LRIG1: variants seen among roughly 807,000 people sequenced by gnomAD.
LRIG1 encodes leucine rich repeats and immunoglobulin like domains 1, also known as leucine-rich repeats and immunoglobulin-like domains protein 1.
A neutral mutation model predicts 99.2 loss-of-function variants in LRIG1; 48 were observed. That is an observed-to-expected ratio of 0.48 (90% CI 0.38 to 0.62). LRIG1 has a LOEUF of 0.62. Among genes scored for constraint, LRIG1 ranks in the 20% least tolerant of loss-of-function variants. LRIG1 has a pLI of 0.00. For missense variants in LRIG1, 1,646 were observed against 1,434.4 expected (o/e 1.15, Z -2.38); for synonymous variants, 772 against 596.1 (o/e 1.29, Z -4.30).
rs756702438 is a variant in LRIG1, at chr3:66,500,376, G to T, written c.32C>A (p.Ala11Asp). ...GAGAAGGCAAGGCGAGCGGCGCGGG[G>T]CCCCGAGCCCTCCCCGGACCGGCCG... MARPVRGGLG[A>D]PRRSPCLLLL... The change falls in exon 1 of 19, where the codon GCC (alanine) becomes GAC (aspartate). Residue 11 changes from alanine (A) to aspartate (D), a missense_variant. Coordinates refer to ENST00000273261, the MANE Select transcript of LRIG1 (RefSeq NM_015541.3). 6 of 1,470,396 alleles carry T rather than the reference G, an allele frequency of 4.1e-6. No individual in the cohort carries two copies. The highest frequency in any genetic ancestry group is 2.7e-5 in the East Asian group (1 of 36,610). The allele number at this position is 1,470,396 out of a possible 1,614,324, so 91.1% of individuals were successfully genotyped here. A position where few individuals can be genotyped will look rare whatever the true frequency, so the allele number is the denominator to read the frequency against.
At chr3:66,452,232 T>C (rs879341451) in intron 2 of LRIG1, among the ~76,000 whole-genome samples, 7 of 152,262 alleles carry the variant, frequency 4.6e-5, no homozygotes, top group Admixed American at 4.6e-4. Context: ...TACACACACT[T>C]TTGCGCATAG....
intron 1 of LRIG1, among the ~76,000 whole-genome samples, chr3:66,463,852 G>C (rs1700411613): frequency 1.3e-5 from 2 of 152,198 alleles, no homozygotes; most frequent in South Asian, 4.1e-4. Context: ...TGTGAGCTCA[G>C]AGACGTTCAT....
chr3:66,463,025 C>T (rs924044243), intron 1 of LRIG1, among the ~76,000 whole-genome samples: 3 of 152,114 alleles, frequency 2.0e-5, no homozygotes, highest in Non-Finnish European at 2.9e-5. Context: ...TTGGTTGTCA[C>T]AACTGGTGGC....
chr3:66,418,810 T>C (rs1702705277), intron 3 of LRIG1, among the ~76,000 whole-genome samples: 1 of 152,078 alleles, frequency 6.6e-6, no homozygotes, highest in South Asian at 2.1e-4. Context: ...TGGACTCCTT[T>C]GTTTTTTTCA....
Position 66,382,369 on chromosome 3 carries a change from T to G in LRIG1, c.2521A>C (p.Ser841Arg). The stretch of plus-strand genomic sequence containing the variant: ...AGGGTCCCCTGAGAAGAGAGGTAGC[T>G]TGGAACATCTGGTGGCACGACGGTT... The part of the protein sequence containing the change: ...DETVVPPDVP[S>R]YLSSQGTLSD... Residue 841 changes from serine (S) to arginine (R), a missense_variant, in exon 16 of 19, where the codon AGC (serine) becomes CGC (arginine). Physicochemically the swap from Ser to Arg is moderately radical, Grantham distance 110. Transcript: ENST00000273261. 6.2e-7 allele frequency: 1 copy of G among 1,614,188 alleles called. No individual in the cohort carries two copies. The highest frequency in any genetic ancestry group is 8.5e-7 in the Non-Finnish European group (1 of 1,180,032).
At chr3:66,408,057 C>T (rs1702337504) in intron 7 of LRIG1, among the ~76,000 whole-genome samples, 1 of 152,204 alleles carries the variant, frequency 6.6e-6, no homozygotes, top group African/African-American at 2.4e-5. Context: ...TCCACGTGGA[C>T]CTCAGAGCAT....
chr3:66,435,302 T>G (rs1703319053), intron 3 of LRIG1, among the ~76,000 whole-genome samples: 1 of 152,210 alleles, frequency 6.6e-6, no homozygotes, highest in African/African-American at 2.4e-5. Context: ...GTCAAGCCTG[T>G]AATCCCAGCA....
chr3:66,410,088 G>A, intron 7 of LRIG1, 41 bp downstream of exon 7: 3 of 1,576,432 alleles, frequency 1.9e-6, no homozygotes, highest in Middle Eastern at 1.7e-4. Flanking sequence ...TCCAAGCAGT[G>A]TCTAAAAACA....
chr3:66,472,237 G>A (rs1296609386), intron 1 of LRIG1, among the ~76,000 whole-genome samples: 1 of 147,426 alleles, frequency 6.8e-6, no homozygotes, highest in African/African-American at 2.5e-5. Flanking sequence ...CCGGGAGGCG[G>A]AGCGTGCAGT....
intron 12 of LRIG1, among the ~76,000 whole-genome samples, chr3:66,389,430 G>A (rs1701528823): frequency 6.6e-6 from 1 of 151,978 alleles, no homozygotes; most frequent in Admixed American, 6.6e-5. Context: ...TTACCATAAT[G>A]GATAAAAAAA....
At chr3:66,483,831 G>A (rs1296160645) in intron 1 of LRIG1, among the ~76,000 whole-genome samples, 1 of 152,198 alleles carries the variant, frequency 6.6e-6, no homozygotes, top group African/African-American at 2.4e-5. Flanking sequence ...GCAACACAGA[G>A]GAGAGCGCCT....
intron 5 of LRIG1, among the ~76,000 whole-genome samples, chr3:66,413,433 C>A (rs1449039383): frequency 6.6e-6 from 1 of 152,214 alleles, no homozygotes; most frequent in Non-Finnish European, 1.5e-5. Flanking sequence ...CACCACATGC[C>A]TCAACCCAGG....
intron 2 of LRIG1, among the ~76,000 whole-genome samples, chr3:66,454,778 T>C (rs1700172633): frequency 6.6e-6 from 1 of 152,222 alleles, no homozygotes; most frequent in East Asian, 1.9e-4. Context: ...TTGGACCTTC[T>C]GGTCCCTCAC....
At chr3:66,432,448 AG>A (rs144074174) in intron 3 of LRIG1, among the ~76,000 whole-genome samples, 4 of 152,214 alleles carry the variant, frequency 2.6e-5, no homozygotes, top group African/African-American at 7.2e-5. Flanking sequence ...CCATAATGGC[AG>A]GAACAGTGGG....
intron 3 of LRIG1, among the ~76,000 whole-genome samples, chr3:66,429,501 T>C (rs902481844): frequency 6.6e-6 from 1 of 152,216 alleles, no homozygotes; most frequent in African/African-American, 2.4e-5. Flanking sequence ...ATTCCAAATG[T>C]ATGACATTCT....
At chr3:66,440,285 T>C (rs1373666949) in intron 3 of LRIG1, among the ~76,000 whole-genome samples, 2 of 152,126 alleles carry the variant, frequency 1.3e-5, no homozygotes, top group African/African-American at 2.4e-5. Context: ...CGTAGACATC[T>C]AGATTTTTTT....
At chr3:66,443,090 G>A (rs1350725773) in intron 3 of LRIG1, among the ~76,000 whole-genome samples, 2 of 152,134 alleles carry the variant, frequency 1.3e-5, no homozygotes, top group Non-Finnish European at 2.9e-5. Flanking sequence ...TAGACTGGGG[G>A]CAAGTGGCAG....
Position 66,451,607 on chromosome 3 carries a change from G to A in LRIG1, c.317C>T (p.Ala106Val), listed in dbSNP as rs145806877. ...EVYLNNNELTAVPSLGAASSH... is the reference protein window; with the variant it reads ...EVYLNNNELTVVPSLGAASSH... ...TGAAGCAGCGCCCAGGGATGGTACC[G>A]CTGTCAACTCATTATTATTGAGGTA... The change falls in exon 3 of 19, where the codon GCG becomes GTG. Residue 106 changes from alanine (A) to valine (V), a missense_variant. Physicochemically the swap from Ala to Val is moderately conservative, Grantham distance 64. Coordinates refer to ENST00000273261, the MANE Select transcript of LRIG1 (RefSeq NM_015541.3). 294 of 1,613,780 alleles carry A rather than the reference G, an allele frequency of 1.8e-4. 3 individuals are homozygous for A. In the East Asian group the frequency reaches 5.7e-3, roughly 31 times the overall value.
At chr3:66,412,765 C>T in intron 6 of LRIG1, 106 bp downstream of exon 6, 1 of 1,329,598 alleles carries the variant, frequency 7.5e-7, no homozygotes, top group South Asian at 1.3e-5. Flanking sequence ...CAACACACAG[C>T]AACGTTGGTG....
Sources: allele counts gnomAD v4.1 joint callset (sites outside exome capture counted in the v4.1 genomes callset), GRCh38; gene constraint gnomAD v4.1.1; transcripts MANE v1.5; gene names NCBI Gene and HGNC (gene_info 2026-07-23, HGNC 2026-07-21).